RNF220: variants seen among roughly 807,000 people sequenced by gnomAD.
RNF220 encodes the protein E3 ubiquitin-protein ligase RNF220.
In RNF220, 7 loss-of-function variants were observed where a neutral mutation model predicts 67.1. The ratio of observed to expected loss-of-function variants is 0.10; its 90% CI spans 0.06 to 0.20. RNF220 has a LOEUF of 0.20. Ranked by LOEUF, RNF220 falls within the 10% of genes least tolerant of loss-of-function variation. The pLI is 1.00. For synonymous variants in RNF220, 270 were observed against 283.2 expected, an observed-to-expected ratio of 0.95 and a Z score of 0.47; for missense variants, 565 against 740.3, an observed-to-expected ratio of 0.76 and a Z score of 2.75.
intron 2 of RNF220, among the ~76,000 whole-genome samples, chr1:44,451,150 TC>T (rs1395307929): frequency 6.6e-6 from 1 of 151,328 alleles, no homozygotes; most frequent in African/African-American, 2.4e-5. Context: ...GCCACTGCAT[TC>T]CTGCCTGGGC....
intron 2 of RNF220, among the ~76,000 whole-genome samples, chr1:44,515,735 G>T (rs182107210): frequency 1.3e-5 from 2 of 152,212 alleles, no homozygotes; most frequent in Non-Finnish European, 2.9e-5. Context: ...CAATCTCAGA[G>T]TTCTCCGAGC....
chr1:44,494,266 G>A (rs978069701), intron 2 of RNF220, among the ~76,000 whole-genome samples: 4 of 151,736 alleles, frequency 2.6e-5, no homozygotes, highest in African/African-American at 7.3e-5. Context: ...TGGGGATGGT[G>A]GAGAAGGGAT....
At chr1:44,494,910 A>G (rs1657191361) in intron 2 of RNF220, among the ~76,000 whole-genome samples, 1 of 152,194 alleles carries the variant, frequency 6.6e-6, no homozygotes, top group Admixed American at 6.5e-5. Context: ...GGAGTAATGA[A>G]TAGCACCATT....
chr1:44,452,849 ATCT>A (rs1652829429), intron 2 of RNF220, among the ~76,000 whole-genome samples: 1 of 152,126 alleles, frequency 6.6e-6, no homozygotes, highest in Non-Finnish European at 1.5e-5. Flanking sequence ...GCTTTTATAC[ATCT>A]TCTCCCAGGT....
At position 44,412,752 on chromosome 1, in the gene RNF220, C is replaced by T; in HGVS notation, c.625+30C>T. ...GTACTTTGGTTCCAGCCCTCCCTTA[C>T]CCCCAGTAAGCCCTGCCTCACCGTG... On this transcript the variant is annotated intron_variant, in intron 2 of 14. Transcript: ENST00000361799. This position sits in a 1 kb window ranked among gnomAD's most constrained non-coding sequence, Gnocchi z 5.3. 1 of 1,594,964 alleles carries T rather than the reference C, an allele frequency of 6.3e-7. No homozygotes were observed. The highest frequency in any genetic ancestry group is 8.6e-7 in the Non-Finnish European group (1 of 1,169,050).
chr1:44,608,823 GGA>G (rs761329434), intron 2 of RNF220, among the ~76,000 whole-genome samples: 5 of 152,168 alleles, frequency 3.3e-5, no homozygotes, highest in Non-Finnish European at 5.9e-5. Flanking sequence ...TAAAAGATCT[GGA>G]TCATAGAAGG....
intron 2 of RNF220, among the ~76,000 whole-genome samples, chr1:44,537,164 C>A (rs112841821): frequency 2.6e-5 from 4 of 152,116 alleles, no homozygotes; most frequent in Non-Finnish European, 4.4e-5. Flanking sequence ...TCTTCTACCC[C>A]CTGCATACAC....
chr1:44,559,320 G>A (rs1309288534), intron 2 of RNF220, among the ~76,000 whole-genome samples: 1 of 152,242 alleles, frequency 6.6e-6, no homozygotes, highest in Non-Finnish European at 1.5e-5. Context: ...CCCTAGCAGG[G>A]CAGGTGCTGA....
At chr1:44,465,098 G>T (rs1475638449) in intron 2 of RNF220, among the ~76,000 whole-genome samples, 1 of 152,114 alleles carries the variant, frequency 6.6e-6, no homozygotes, top group Non-Finnish European at 1.5e-5. Flanking sequence ...AAGAATCAAA[G>T]AAAGGAGATG....
chr1:44,571,735 G>T (rs1047503792), intron 2 of RNF220, among the ~76,000 whole-genome samples: 5 of 152,080 alleles, frequency 3.3e-5, no homozygotes, highest in Non-Finnish European at 7.4e-5. Flanking sequence ...TCACTTTCCA[G>T]CCACCTACAG....
At chr1:44,625,538 C>T (rs1485534690) in intron 4 of RNF220, among the ~76,000 whole-genome samples, 1 of 152,162 alleles carries the variant, frequency 6.6e-6, no homozygotes, top group African/African-American at 2.4e-5. Flanking sequence ...CTGTGTGCTT[C>T]CGGCTCAGAG....
chr1:44,625,727 T>C (rs1050723253), intron 4 of RNF220, among the ~76,000 whole-genome samples: 4 of 152,032 alleles, frequency 2.6e-5, no homozygotes, highest in Admixed American at 2.6e-4. Flanking sequence ...TAATCTAAAC[T>C]GCAGGCGTAT....
rs372517513 is a variant in RNF220, at chr1:44,627,986, G to A, written c.906+1588G>A. The stretch of plus-strand genomic sequence containing the variant: ...CTGCATAGCCCAAAGTGCAAGCCCT[G>A]GGAAGGGATCCCTGCTCTCTCTAAG... On this transcript the variant is annotated intron_variant, in intron 5 of 14. Coordinates refer to ENST00000361799, the MANE Select transcript of RNF220 (RefSeq NM_018150.4). Among the ~76,000 whole-genome samples the A allele has an allele frequency of 2.0e-5, 3 of 152,320 alleles. No individual in the cohort carries two copies. In the South Asian group the frequency reaches 6.2e-4, roughly 32 times the overall value.
intron 2 of RNF220, among the ~76,000 whole-genome samples, chr1:44,453,168 T>C (rs1215200696): frequency 6.6e-6 from 1 of 152,200 alleles, no homozygotes; most frequent in Non-Finnish European, 1.5e-5. Flanking sequence ...TGATCTTTTA[T>C]TAAGGCTTTA....
intron 2 of RNF220, among the ~76,000 whole-genome samples, chr1:44,613,170 A>C (rs1643389667): frequency 2.7e-5 from 4 of 149,424 alleles, no homozygotes; most frequent in South Asian, 4.3e-4. Flanking sequence ...CCTCAACCCC[A>C]CACCTGTAAG....
chr1:44,507,873 C>T (rs374363150), intron 2 of RNF220, among the ~76,000 whole-genome samples: 16 of 151,960 alleles, frequency 1.1e-4, no homozygotes, highest in Non-Finnish European at 1.0e-4. Flanking sequence ...GTGCCCCCCC[C>T]TCACCACACT....
At chr1:44,475,568 CAAA>C (rs35917344) in intron 2 of RNF220, among the ~76,000 whole-genome samples, 14 of 70,980 alleles carry the variant, frequency 2.0e-4, no homozygotes, top group Admixed American at 3.2e-4. Flanking sequence ...GACTCGGTCT[CAAA>C]AAAAAAAAAA....
chr1:44,480,520 A>C (rs1655703797), intron 2 of RNF220, among the ~76,000 whole-genome samples: 1 of 152,202 alleles, frequency 6.6e-6, no homozygotes, highest in South Asian at 2.1e-4. Flanking sequence ...CTAACATTTA[A>C]AGATGTGGTA....
chr1:44,413,816 A>T (rs1466187699), intron 2 of RNF220, among the ~76,000 whole-genome samples: 1 of 152,000 alleles, frequency 6.6e-6, no homozygotes, highest in Non-Finnish European at 1.5e-5. Context: ...CCTCTTTATG[A>T]TGCCGAGGAG....
Sources: gnomAD v4.1 joint callset for allele counts (sites outside exome capture counted in the v4.1 genomes callset) on GRCh38, gnomAD v4.1.1 for gene constraint, Gnocchi (gnomAD v3.1) non-coding constraint, MANE v1.5 for transcripts, NCBI Gene and HGNC (gene_info 2026-07-23, HGNC 2026-07-21) for gene names.